The following TTC38 variants were observed in gnomAD, a reference collection of about 807,000 sequenced individuals.
TTC38 encodes tetratricopeptide repeat domain 38.
TTC38 carries 64 observed loss-of-function variants against 64.2 expected under a neutral mutation model. The ratio of observed to expected loss-of-function variants is 1.00; its 90% CI spans 0.81 to 1.23. TTC38 has a LOEUF of 1.23. Ranked by LOEUF, TTC38 falls within the 50% of genes most tolerant of loss-of-function variation. The pLI, the probability that TTC38 is intolerant of heterozygous loss-of-function variation, is 0.00. For missense variants in TTC38, 573 were observed against 615.5 expected (o/e 0.93, Z 0.73); for synonymous variants, 254 against 249.3 (o/e 1.02, Z -0.18).
Position 46,292,082 on chromosome 22 carries a change from T to C in TTC38, c.1317-709T>C, listed in dbSNP as rs992844693. On this transcript the variant is annotated intron_variant, in intron 13 of 13. Transcript: ENST00000381031. This position sits in a 1 kb window ranked among gnomAD's most constrained non-coding sequence, Gnocchi z 6.5. ...GCTGGGTTCAGTTTCTGCTGAGGCC[T>C]CTCTTCCTGGCTTGTGGACAGCCAC... 2.1e-5 allele frequency: 7 copies of C among 335,126 alleles called. No homozygotes were observed. The highest frequency in any genetic ancestry group is 1.3e-4 in the African/African-American group (6 of 46,150). 20.8% of individuals were successfully genotyped at this position (335,126 alleles called of 1,614,324 possible).
At chr22:46,268,859 T>A (rs981173708) in intron 2 of TTC38, 41 of 401,258 alleles carry the variant, frequency 1.0e-4, no homozygotes, top group Non-Finnish European at 1.7e-4. Flanking sequence ...TAATTTTTTT[T>A]GTATTTTTTA....
chr22:46,292,891 C>G lies in TTC38; in HGVS notation c.*7C>G. On this transcript the variant is annotated 3_prime_UTR_variant, in exon 14 of 14. Coordinates refer to ENST00000381031, the MANE Select transcript of TTC38 (RefSeq NM_017931.4). This position sits in a 1 kb window ranked among gnomAD's most constrained non-coding sequence, Gnocchi z 6.5. Reference sequence around the variant, plus strand: ...CGTCCACCTCATGCAGTGAGCCAGCCTGGCCGCCTCCACCCTGCAGAACCT... The same window carrying G: ...CGTCCACCTCATGCAGTGAGCCAGCGTGGCCGCCTCCACCCTGCAGAACCT... 2 of 1,609,586 alleles carry G rather than the reference C, an allele frequency of 1.2e-6. No homozygotes were observed. Among genetic ancestry groups the G allele is most frequent in the African/African-American group, 1.3e-5 (1 of 75,024 alleles).
rs1005224569 is a variant in TTC38, at chr22:46,273,560, C to T, written c.194-338C>T. On this transcript the variant is annotated intron_variant, in intron 3 of 13. Coordinates refer to ENST00000381031, the MANE Select transcript of TTC38 (RefSeq NM_017931.4). The surrounding 1 kb of genome is among the most constrained non-coding windows in gnomAD (Gnocchi z 5.1). ...GCATCCACTGATGCCTCCCGGGAGC[C>T]GTGTGCTGGCTGTGGCGGTAGTGTC... Among the ~76,000 whole-genome samples the T allele has an allele frequency of 2.0e-5, 3 of 152,220 alleles. No homozygotes were observed. Among genetic ancestry groups the T allele is most frequent in the Non-Finnish European group, 2.9e-5 (2 of 68,030 alleles).
intron 8 of TTC38, among the ~76,000 whole-genome samples, chr22:46,284,872 A>G (rs1277647127): frequency 6.6e-6 from 1 of 150,398 alleles, no homozygotes; most frequent in Non-Finnish European, 1.5e-5. Flanking sequence ...CCATCTCAAA[A>G]AAAAAAAAAA....
chr22:46,284,964 C>A (rs1347083697), intron 8 of TTC38, among the ~76,000 whole-genome samples: 1 of 151,826 alleles, frequency 6.6e-6, no homozygotes, highest in African/African-American at 2.4e-5. Flanking sequence ...TAACTTTCCA[C>A]TAGGAGAGAG....
Position 46,274,530 on chromosome 22 carries a change from T to C in TTC38, c.365+461T>C, listed in dbSNP as rs948353047. 2.0e-5 allele frequency among the ~76,000 whole-genome samples: 3 copies of C among 152,144 alleles called. No individual in the cohort carries two copies. Among genetic ancestry groups the C allele is most frequent in the South Asian group, 2.1e-4 (1 of 4,824 alleles). ...CCCTCATTCTCCGGGACAGCCCCCATGTCTGCTCAGGCAGGCGAGATGCCC... is the reference window on the plus strand; with the variant it reads ...CCCTCATTCTCCGGGACAGCCCCCACGTCTGCTCAGGCAGGCGAGATGCCC... On this transcript the variant is annotated intron_variant, in intron 4 of 13. Coordinates refer to ENST00000381031, the MANE Select transcript of TTC38 (RefSeq NM_017931.4). This position sits in a 1 kb window ranked among gnomAD's most constrained non-coding sequence, Gnocchi z 4.8.
At position 46,275,096 on chromosome 22, in the gene TTC38, CAGGCATA is replaced by C; in HGVS notation, c.366-149_366-143del. The C allele has an allele frequency of 1.4e-6, 1 of 693,538 alleles. No homozygotes were observed. The highest frequency in any genetic ancestry group is 2.3e-6 in the Non-Finnish European group (1 of 431,158). The allele number at this position is 693,538 out of a possible 1,614,324, so 43.0% of individuals were successfully genotyped here. On this transcript the variant is annotated intron_variant, in intron 4 of 13. Transcript: ENST00000381031. The surrounding 1 kb of genome is among the most constrained non-coding windows in gnomAD (Gnocchi z 4.5). ...TTGGTCTCCCAAAGTGCTGGGATTA[CAGGCATA>C]AGCCACCGCACCCAGTCAGAAACTG...
At chr22:46,278,857 C>G (rs569334955) in intron 6 of TTC38, among the ~76,000 whole-genome samples, 196 bp downstream of exon 6, 26 of 152,328 alleles carry the variant, frequency 1.7e-4, no homozygotes, top group Admixed American at 7.2e-4. Context: ...TGTGGCCCCC[C>G]CAAAGTCCCC....
Position 46,287,071 on chromosome 22 carries a change from A to G in TTC38, c.835-2A>G, listed in dbSNP as rs2077576694. The G allele has an allele frequency of 6.3e-7, 1 of 1,596,928 alleles. No individual in the cohort carries two copies. The highest frequency in any genetic ancestry group is 8.5e-7 in the Non-Finnish European group (1 of 1,173,336). On this transcript the variant is annotated splice_acceptor_variant, in intron 9 of 13. Transcript: ENST00000381031. LOFTEE classifies it high-confidence loss of function. ...GCCCGCCTTGGCCGCCCTGTCTTCC[A>G]GATCCTTCCCAGCCTGCAGGCCAAC...
Position 46,292,682 on chromosome 22 carries a change from C to T in TTC38, c.1317-109C>T. On this transcript the variant is annotated intron_variant, in intron 13 of 13. Transcript: ENST00000381031. The surrounding 1 kb of genome is among the most constrained non-coding windows in gnomAD (Gnocchi z 6.5). ...TGGGCCTTGGCCCTTGCTGTTCCCTCAGTGCCGCAGTCTAGCCTGCCTGTG... is the reference window on the plus strand; with the variant it reads ...TGGGCCTTGGCCCTTGCTGTTCCCTTAGTGCCGCAGTCTAGCCTGCCTGTG... 1 of 981,208 alleles carries T rather than the reference C, an allele frequency of 1.0e-6. No homozygotes were observed. Among genetic ancestry groups the T allele is most frequent in the South Asian group, 1.4e-5 (1 of 71,608 alleles). 60.8% of individuals were successfully genotyped at this position (981,208 alleles called of 1,614,324 possible). A position where few individuals can be genotyped will look rare whatever the true frequency, so the allele number is the denominator to read the frequency against.
In TTC38 at chr22:46,272,951, G is replaced by C. The variant is rs1020086533; in HGVS notation, c.193+535G>C. 3.9e-5 allele frequency among the ~76,000 whole-genome samples: 6 copies of C among 152,214 alleles called. No homozygotes were observed. The highest frequency in any genetic ancestry group is 3.9e-4 in the East Asian group (2 of 5,194). On this transcript the variant is annotated intron_variant, in intron 3 of 13. Coordinates refer to ENST00000381031, the MANE Select transcript of TTC38 (RefSeq NM_017931.4). The surrounding 1 kb of genome is among the most constrained non-coding windows in gnomAD (Gnocchi z 6.4). The stretch of plus-strand genomic sequence containing the variant: ...AGCCAGCACAGTGCATTGCAGGTGG[G>C]TGGTCCCGTGGTGCGGCAAGGTTCC...
At chr22:46,287,822 G>C (rs558116340) in intron 10 of TTC38, among the ~76,000 whole-genome samples, 124 of 152,354 alleles carry the variant, frequency 8.1e-4, no homozygotes, top group African/African-American at 2.9e-3. Flanking sequence ...GGTGAAATGT[G>C]AGCTACTGAA....
At chr22:46,268,636 G>C in intron 2 of TTC38, 45 bp downstream of exon 2, 1 of 1,578,534 alleles carries the variant, frequency 6.3e-7, no homozygotes, top group Non-Finnish European at 8.7e-7. Flanking sequence ...TGGAGGTCTA[G>C]GGGAAGGTTT....
rs1161632068 is a variant in TTC38, at chr22:46,273,637, AG to A, written c.194-259del. 6.6e-6 allele frequency among the ~76,000 whole-genome samples: 1 copy of A among 152,240 alleles called. No homozygotes were observed. Among genetic ancestry groups the A allele is most frequent in the Admixed American group, 6.5e-5 (1 of 15,286 alleles). On this transcript the variant is annotated intron_variant, in intron 3 of 13. Transcript: ENST00000381031. This position sits in a 1 kb window ranked among gnomAD's most constrained non-coding sequence, Gnocchi z 5.1. Reference sequence around the variant, plus strand: ...AAGTGGCTCATCCATTGAAGGGGGAAGGTGCTTTAGACACTGGCACTCAGCA... The same window carrying A: ...AAGTGGCTCATCCATTGAAGGGGGAAGTGCTTTAGACACTGGCACTCAGCA...
chr22:46,269,510 C>T (rs1936846784), intron 2 of TTC38, among the ~76,000 whole-genome samples: 1 of 152,214 alleles, frequency 6.6e-6, no homozygotes, highest in South Asian at 2.1e-4. Flanking sequence ...TGAACCTGGG[C>T]CTAACTGCAC....
intron 10 of TTC38, 34 bp from the exon 11 acceptor site, chr22:46,288,389 C>A: frequency 1.2e-6 from 2 of 1,600,042 alleles, no homozygotes; most frequent in Non-Finnish European, 1.7e-6. Context: ...CAGAGCCTCA[C>A]TCCAGGCCCT....
chr22:46,275,351 T>A lies in TTC38; in HGVS notation c.469T>A (p.Tyr157Asn). 1 of 1,614,196 alleles carries A rather than the reference T, an allele frequency of 6.2e-7. No individual in the cohort carries two copies. Among genetic ancestry groups the A allele is most frequent in the Non-Finnish European group, 8.5e-7 (1 of 1,180,034 alleles). Residue 157 changes from tyrosine to asparagine, a missense_variant, in exon 5 of 14, where the codon TAT becomes AAT. Transcript: ENST00000381031. This position sits in a 1 kb window ranked among gnomAD's most constrained non-coding sequence, Gnocchi z 4.5. ...FSHDAYFYLGYQEQMRDSVAR... is the reference protein window; with the variant it reads ...FSHDAYFYLGNQEQMRDSVAR... The stretch of plus-strand genomic sequence containing the variant: ...CCATGATGCTTATTTTTACCTGGGC[T>A]ATCAGGAACAGATGAGAGATTCTGT...
intron 8 of TTC38, among the ~76,000 whole-genome samples, 187 bp from the exon 9 acceptor site, chr22:46,285,054 C>T (rs531705046): frequency 1.4e-4 from 21 of 152,104 alleles, no homozygotes; most frequent in Admixed American, 5.9e-4. Context: ...ACCAAAGCCC[C>T]GGTTGGAAGC....
chr22:46,278,492 G>T lies in TTC38; in HGVS notation c.540-94G>T, dbSNP rs540889633. The T allele has an allele frequency of 1.4e-4, 143 of 1,048,758 alleles. 1 individual carries two copies. In the Admixed American group the frequency reaches 1.5e-3, roughly 11 times the overall value. The allele number at this position is 1,048,758 out of a possible 1,614,324, so 65.0% of individuals were successfully genotyped here. On this transcript the variant is annotated intron_variant, in intron 5 of 13. Transcript: ENST00000381031. ...AAAAAAGGTCACATTCCCAGTGCTG[G>T]CAGTTAGGACCTCAGTGTATCTTTG...
Sources: gnomAD v4.1 joint callset for allele counts (sites outside exome capture counted in the v4.1 genomes callset) on GRCh38, gnomAD v4.1.1 for gene constraint, Gnocchi (gnomAD v3.1) non-coding constraint, MANE v1.5 for transcripts, NCBI Gene and HGNC (gene_info 2026-07-23, HGNC 2026-07-21) for gene names.